Variants in NRG1 observed in about 807,000 individuals in gnomAD.
The protein encoded by NRG1 is pro-neuregulin-1, membrane-bound isoform.
Under a neutral mutation model 63.8 loss-of-function variants are expected in NRG1, and 18 were observed. The ratio of observed to expected loss-of-function variants is 0.28; its 90% CI spans 0.19 to 0.42. NRG1 has a LOEUF of 0.42. Among genes scored for constraint, NRG1 ranks in the 10% least tolerant of loss-of-function variants. The probability of loss-of-function intolerance (pLI) is 1.00; values close to 1 mark genes in which losing one functional copy is unlikely to be tolerated. For synonymous variants in NRG1, 302 were observed against 301.3 expected, an observed-to-expected ratio of 1.00 and a Z score of -0.02; for missense variants, 762 against 814.7, an observed-to-expected ratio of 0.94 and a Z score of 0.79.
At chr8:31,681,494 T>C (rs577261878) in intron 1 of NRG1, among the ~76,000 whole-genome samples, 297 of 152,034 alleles carry the variant, frequency 2.0e-3, no homozygotes, top group Non-Finnish European at 2.8e-3. Context: ...AGCCAGTATA[T>C]TGGAGAAGCT....
chr8:32,041,366 G>T (rs991995145), intron 1 of NRG1, among the ~76,000 whole-genome samples: 1 of 152,164 alleles, frequency 6.6e-6, no homozygotes, highest in Non-Finnish European at 1.5e-5. Flanking sequence ...TGCCCTGTCT[G>T]TCCTACTGAA....
Position 32,603,571 on chromosome 8 carries a change from G to A in NRG1, c.279-1991G>A, listed in dbSNP as rs371312291. Reference sequence around the variant, plus strand: ...CGGCTCACTGCAACCTCTGCCTCCCGGATTCAAATGATTCTCCCGCCTTAG... The same window carrying A: ...CGGCTCACTGCAACCTCTGCCTCCCAGATTCAAATGATTCTCCCGCCTTAG... On this transcript the variant is annotated intron_variant, in intron 2 of 11. Transcript: ENST00000356819. 5.3e-5 allele frequency among the ~76,000 whole-genome samples: 8 copies of A among 151,926 alleles called. No homozygotes were observed. The South Asian group carries it at 6.2e-4, about 12-fold the overall frequency.
At chr8:32,279,492 A>T (rs1027082640) in intron 1 of NRG1, among the ~76,000 whole-genome samples, 1 of 152,170 alleles carries the variant, frequency 6.6e-6, no homozygotes, top group African/African-American at 2.4e-5. Context: ...AGCTGGGATT[A>T]CAGGCACGTG....
chr8:31,945,627 G>A (rs1403179207), intron 1 of NRG1, among the ~76,000 whole-genome samples: 1 of 152,188 alleles, frequency 6.6e-6, no homozygotes, highest in Non-Finnish European at 1.5e-5. Context: ...ACTGCCATTT[G>A]CAGCACAAAC....
chr8:32,106,392 A>G (rs1252387650), intron 1 of NRG1, among the ~76,000 whole-genome samples: 2 of 152,224 alleles, frequency 1.3e-5, no homozygotes, highest in Non-Finnish European at 2.9e-5. Context: ...CTCTGTGCAC[A>G]TAGGCACATC....
At chr8:32,501,381 A>C (rs1434996308) in intron 1 of NRG1, among the ~76,000 whole-genome samples, 1 of 152,238 alleles carries the variant, frequency 6.6e-6, no homozygotes, top group Non-Finnish European at 1.5e-5. Flanking sequence ...ATGGTTAAAT[A>C]TCTTCTCTTT....
intron 1 of NRG1, among the ~76,000 whole-genome samples, chr8:31,890,715 A>G (rs1011802878): frequency 3.3e-5 from 5 of 152,162 alleles, no homozygotes; most frequent in African/African-American, 1.2e-4. Flanking sequence ...GAAAAACATA[A>G]ACAAACATTC....
intron 1 of NRG1, among the ~76,000 whole-genome samples, chr8:32,275,377 T>C (rs1851986104): frequency 6.6e-6 from 1 of 151,994 alleles, no homozygotes; most frequent in Non-Finnish European, 1.5e-5. Context: ...ATAGGCAACA[T>C]GGTAGGTGGG....
chr8:31,747,142 G>T (rs894323414), intron 1 of NRG1, among the ~76,000 whole-genome samples: 2 of 151,902 alleles, frequency 1.3e-5, no homozygotes, highest in African/African-American at 4.8e-5. Flanking sequence ...TAATTTAATT[G>T]TACATTTTAA....
chr8:32,384,715 A>G (rs937297434), intron 1 of NRG1, among the ~76,000 whole-genome samples: 2 of 152,344 alleles, frequency 1.3e-5, no homozygotes, highest in African/African-American at 4.8e-5. Flanking sequence ...CAACACCACC[A>G]TCTTATTTCT....
intron 1 of NRG1, among the ~76,000 whole-genome samples, chr8:31,831,812 A>G (rs1825189266): frequency 6.6e-6 from 1 of 152,170 alleles, no homozygotes; most frequent in African/African-American, 2.4e-5. Context: ...ATTTGTATAC[A>G]AACCCTGTAC....
At position 32,107,526 on chromosome 8, in the gene NRG1, T is replaced by C. The variant is rs1008695324; in HGVS notation, c.37+468095T>C. Among the ~76,000 whole-genome samples, 20 of 152,234 alleles carry C rather than the reference T, an allele frequency of 1.3e-4. 1 individual carries two copies. Among genetic ancestry groups the C allele is most frequent in the African/African-American group, 4.8e-4 (20 of 41,472 alleles). ...ATTGATTTTTTGGCTCCAGCTGCTC[T>C]AAAGCCATTAAGAGTTAGAGTTAAT... On this transcript the variant is annotated intron_variant, in intron 1 of 10. Transcript: ENST00000519301.
chr8:31,918,040 G>A (rs1833559622), intron 1 of NRG1, among the ~76,000 whole-genome samples: 1 of 152,086 alleles, frequency 6.6e-6, no homozygotes, highest in Non-Finnish European at 1.5e-5. Flanking sequence ...TGTGATTTTT[G>A]TACATTGATT....
intron 1 of NRG1, among the ~76,000 whole-genome samples, chr8:31,674,515 T>G (rs935401395): frequency 2.6e-5 from 4 of 151,986 alleles, no homozygotes; most frequent in African/African-American, 4.8e-5. Flanking sequence ...GTATATTTTA[T>G]TTTGATGGAT....
chr8:32,758,972 T>A (rs1340580950), intron 9 of NRG1, among the ~76,000 whole-genome samples: 1 of 152,202 alleles, frequency 6.6e-6, no homozygotes. Context: ...TGGATGGATA[T>A]TTGTATGGAA....
chr8:32,687,084 A>G (rs1810351144), intron 5 of NRG1, among the ~76,000 whole-genome samples: 1 of 152,238 alleles, frequency 6.6e-6, no homozygotes, highest in African/African-American at 2.4e-5. Flanking sequence ...AGCCTGATCT[A>G]TATAAAGCTG....
intron 1 of NRG1, among the ~76,000 whole-genome samples, chr8:31,984,318 C>A (rs1809669015): frequency 6.6e-6 from 1 of 151,908 alleles, no homozygotes; most frequent in South Asian, 2.1e-4. Context: ...TTCCTTAAGC[C>A]CCCTTTCATA....
chr8:31,639,904 A>AG, intron 1 of NRG1: 1 of 1,089,800 alleles, frequency 9.2e-7, no homozygotes, highest in Non-Finnish European at 1.1e-6. Flanking sequence ...TGGTGCTGCG[A>AG]GGGGAAGGAA....
rs530350109 is a variant in NRG1 at position 32,693,313 on chromosome 8, G to A, written c.503-34636G>A. On this transcript the variant is annotated intron_variant, in intron 5 of 11. Coordinates refer to ENST00000356819, the Ensembl canonical transcript of NRG1. ...GGCGCACTGCAACCTCCGCCTTCTG[G>A]GTTCACGCCATTCTCCTGCGTCAGC... is the stretch of plus-strand genomic sequence containing the variant. Among the ~76,000 whole-genome samples, 4 of 151,668 alleles carry A rather than the reference G, an allele frequency of 2.6e-5. No individual in the cohort carries two copies. The South Asian group carries it at 8.3e-4, about 32-fold the overall frequency.
Sources: allele counts gnomAD v4.1 joint callset (sites outside exome capture counted in the v4.1 genomes callset), GRCh38; gene constraint gnomAD v4.1.1; transcripts MANE v1.5; gene names NCBI Gene and HGNC (gene_info 2026-07-23, HGNC 2026-07-21).